The following LIMCH1 variants were observed in gnomAD, a reference collection of about 807,000 sequenced individuals.
LIMCH1 encodes LIM and calponin homology domains-containing protein 1.
A neutral mutation model predicts 176.5 loss-of-function variants in LIMCH1; 113 were observed. The ratio of observed to expected loss-of-function variants is 0.64; its 90% CI spans 0.55 to 0.75. LIMCH1 has a LOEUF of 0.75. LIMCH1 is among the 30% of genes least tolerant of loss of function. The pLI is 0.00. For synonymous variants in LIMCH1, 619 were observed against 645.9 expected (o/e 0.96, Z 0.63); for missense variants, 1,674 against 1,814.9 (o/e 0.92, Z 1.41).
chr4:41,631,894 C>T (rs2152869883), intron 10 of LIMCH1, among the ~76,000 whole-genome samples: 1 of 152,310 alleles, frequency 6.6e-6, no homozygotes, highest in East Asian at 1.9e-4. Flanking sequence ...CATGAGTTCA[C>T]GTTTCAGACA....
intron 1 of LIMCH1, among the ~76,000 whole-genome samples, chr4:41,442,942 C>A (rs948227217): frequency 2.0e-5 from 3 of 152,078 alleles, no homozygotes; most frequent in African/African-American, 7.2e-5. Flanking sequence ...CTGTGTGATT[C>A]TTTTGTGTAG....
At chr4:41,476,899 A>G (rs2067829988) in intron 1 of LIMCH1, among the ~76,000 whole-genome samples, 1 of 152,202 alleles carries the variant, frequency 6.6e-6, no homozygotes. Context: ...TGAATTGACA[A>G]TAAATGCACA....
At chr4:41,682,245 A>G in intron 25 of LIMCH1, 88 bp from the exon 26 acceptor site, 1 of 967,874 alleles carries the variant, frequency 1.0e-6, no homozygotes, top group Non-Finnish European at 1.5e-6. Flanking sequence ...CATGATTGAA[A>G]AATACTTCAA....
In LIMCH1 at chr4:41,426,090, C is replaced by T. The variant is rs1183162305; in HGVS notation, c.96+65154C>T. Among the ~76,000 whole-genome samples the T allele has an allele frequency of 5.1e-5, 7 of 137,624 alleles. No individual in the cohort carries two copies. In the South Asian group the frequency reaches 1.4e-3, roughly 27 times the overall value. 90.3% of individuals were successfully genotyped at this position (137,624 alleles called of 152,430 possible). A position where few individuals can be genotyped will look rare whatever the true frequency, so the allele number is the denominator to read the frequency against. ...AGGCTGGAGTGCAGTGGCGGGATCT[C>T]GGCTCACTGCAAGTTCCGCCTCCCG... On this transcript the variant is annotated intron_variant, in intron 1 of 26. Transcript: ENST00000313860.
chr4:41,360,968 A>C lies in LIMCH1; in HGVS notation c.96+32A>C. ...GCGGGTGGCTGGCGGGCGGCCTTGC[A>C]CTGGCGCCCTGAGCCACGGACCCGC... On this transcript the variant is annotated intron_variant, in intron 1 of 26. Transcript: ENST00000313860. This position sits in a 1 kb window ranked among gnomAD's most constrained non-coding sequence, Gnocchi z 4.5. 3 of 1,510,184 alleles carry C rather than the reference A, an allele frequency of 2.0e-6. No homozygotes were observed. The highest frequency in any genetic ancestry group is 2.7e-6 in the Non-Finnish European group (3 of 1,118,272). 93.5% of individuals were successfully genotyped at this position (1,510,184 alleles called of 1,614,324 possible).
At chr4:41,637,603 A>G (rs566132780) in intron 13 of LIMCH1, among the ~76,000 whole-genome samples, 32 of 152,374 alleles carry the variant, frequency 2.1e-4, no homozygotes, top group Non-Finnish European at 4.4e-4. Context: ...ACTCTGGAGA[A>G]GGAGAAAATG....
At position 41,680,102 on chromosome 4, in the gene LIMCH1, G is replaced by C. The variant is rs1211373060; in HGVS notation, c.3612+4G>C. 1 of 1,588,448 alleles carries C rather than the reference G, an allele frequency of 6.3e-7. No individual in the cohort carries two copies. The highest frequency in any genetic ancestry group is 8.6e-7 in the Non-Finnish European group (1 of 1,163,820). ...AGAACGCAGATACTATGAGGAGGTA[G>C]GAAATTCCCAAGAAGGAATTTGACC... On this transcript the variant is annotated splice_donor_region_variant and intron_variant, in intron 24 of 31. Transcript: ENST00000503057.
At chr4:41,486,872 C>T (rs1489814381) in intron 1 of LIMCH1, among the ~76,000 whole-genome samples, 1 of 149,764 alleles carries the variant, frequency 6.7e-6, no homozygotes. Context: ...ACCCCTGCCT[C>T]CTGGGTTCAA....
At chr4:41,670,395 C>T (rs926771950) in intron 21 of LIMCH1, among the ~76,000 whole-genome samples, 5 of 152,274 alleles carry the variant, frequency 3.3e-5, no homozygotes, top group African/African-American at 1.2e-4. Context: ...ACAAATTATA[C>T]ATTTTTGTTC....
At chr4:41,361,738 T>C (rs2052100678) in intron 1 of LIMCH1, among the ~76,000 whole-genome samples, 1 of 152,212 alleles carries the variant, frequency 6.6e-6, no homozygotes, top group Non-Finnish European at 1.5e-5. Flanking sequence ...TCACGATGTC[T>C]ATCAGTAGAT....
At position 41,697,213 on chromosome 4, in the gene LIMCH1, AC is replaced by A. The variant is rs773768102; in HGVS notation, c.*30del. 3 of 1,610,858 alleles carry A rather than the reference AC, an allele frequency of 1.9e-6. No homozygotes were observed. In the African/African-American group the frequency reaches 4.0e-5, roughly 22 times the overall value. On this transcript the variant is annotated 3_prime_UTR_variant, in exon 32 of 32. Coordinates refer to ENST00000503057, the MANE Select transcript of LIMCH1 (RefSeq NM_001330672.2). The stretch of plus-strand genomic sequence containing the variant: ...CGGCTTTCAAGCTTCCGGATCACTC[AC>A]CATTTCTTTACTGAGAGTGTCCCCT...
intron 1 of LIMCH1, among the ~76,000 whole-genome samples, chr4:41,594,356 A>C (rs2088287181): frequency 6.6e-6 from 1 of 152,244 alleles, no homozygotes; most frequent in Non-Finnish European, 1.5e-5. Context: ...CTAAATATAT[A>C]GCCATTATAG....
chr4:41,406,234 C>T (rs2058949323), intron 1 of LIMCH1, among the ~76,000 whole-genome samples: 1 of 152,166 alleles, frequency 6.6e-6, no homozygotes, highest in Non-Finnish European at 1.5e-5. Flanking sequence ...CTTTATAGAC[C>T]TGTTCTGACT....
chr4:41,449,339 A>G (rs1243132085), intron 1 of LIMCH1, among the ~76,000 whole-genome samples: 1 of 152,152 alleles, frequency 6.6e-6, no homozygotes, highest in African/African-American at 2.4e-5. Flanking sequence ...CACACAGCAT[A>G]TGCCCAGGTT....
chr4:41,640,131 A>G lies in LIMCH1; in HGVS notation c.2126+1164A>G, dbSNP rs116005969. Among the ~76,000 whole-genome samples, 245 of 152,352 alleles carry G rather than the reference A, an allele frequency of 1.6e-3. 1 individual carries two copies. The highest frequency in any genetic ancestry group is 5.8e-3 in the African/African-American group (240 of 41,586). ...GTGTGATCTGACATAAAGAACACTC[A>G]TGCCTCAAAACCAAATTCAGCCTGA... On this transcript the variant is annotated intron_variant, in intron 14 of 31. Transcript: ENST00000503057.
In LIMCH1 at chr4:41,652,109, G is replaced by C. The variant is rs1382391587; in HGVS notation, c.3036+1501G>C. 2.0e-5 allele frequency among the ~76,000 whole-genome samples: 3 copies of C among 152,208 alleles called. No homozygotes were observed. The East Asian group carries it at 5.8e-4, about 29-fold the overall frequency. On this transcript the variant is annotated intron_variant, in intron 18 of 31. Transcript: ENST00000503057. ...TCAAGATATTTTCCCCCAGGACCTA[G>C]AAAGGTTTGGTGTGAAAGGAAACTT...
At chr4:41,557,546 C>CTGTGTGTG (rs34757433) in intron 1 of LIMCH1, among the ~76,000 whole-genome samples, 14,696 of 147,726 alleles carry the variant, frequency 0.099, 1,002 homozygotes, top group South Asian at 0.23. Context: ...TTTATTGCCT[C>CTGTGTGTG]TGTGTGTGTG....
chr4:41,475,582 TAAAC>T, intron 1 of LIMCH1, among the ~76,000 whole-genome samples: 1 of 152,340 alleles, frequency 6.6e-6, no homozygotes, highest in African/African-American at 2.4e-5. Context: ...AACTGGTTGT[TAAAC>T]AAACATTTTA....
At chr4:41,415,469 C>T (rs1281302587) in intron 1 of LIMCH1, among the ~76,000 whole-genome samples, 1 of 151,888 alleles carries the variant, frequency 6.6e-6, no homozygotes, top group Non-Finnish European at 1.5e-5. Context: ...CATGCTGGAA[C>T]AAATAATCTA....
Sources: allele counts gnomAD v4.1 joint callset (sites outside exome capture counted in the v4.1 genomes callset), GRCh38; gene constraint gnomAD v4.1.1; non-coding constraint Gnocchi (gnomAD v3.1); transcripts MANE v1.5; gene names NCBI Gene and HGNC (gene_info 2026-07-23, HGNC 2026-07-21).